The following MAGED1 variants were observed in gnomAD, a reference collection of about 807,000 sequenced individuals.
MAGED1 encodes the protein melanoma-associated antigen D1.
A neutral mutation model predicts 54.1 loss-of-function variants in MAGED1; 3 were observed. The ratio of observed to expected loss-of-function variants is 0.06; its 90% confidence interval spans 0.03 to 0.14. The LOEUF (loss-of-function observed/expected upper bound fraction) is 0.14, where lower values mean the gene tolerates loss of function less well. Ranked by LOEUF, MAGED1 falls within the 10% of genes least tolerant of loss-of-function variation. MAGED1 has a pLI of 1.00. For synonymous variants in MAGED1, 217 were observed against 227.3 expected (o/e 0.95, Z 0.41); for missense variants, 485 against 623.4 (o/e 0.78, Z 2.36).
At chrX:51,881,721 CT>C (rs1195291488) in intron 1 of MAGED1, among the ~76,000 whole-genome samples, 6 of 111,532 alleles carry the variant, frequency 5.4e-5, no homozygotes, top group African/African-American at 1.6e-4. Context: ...CTGGCCTCCT[CT>C]TGCTTTTTCT....
At chrX:51,834,956 ATGTC>A (rs1343164455) in intron 1 of MAGED1, among the ~76,000 whole-genome samples, 1 of 111,848 alleles carries the variant, frequency 8.9e-6, no homozygotes, top group Non-Finnish European at 1.9e-5. Flanking sequence ...CTTTCTTGTA[ATGTC>A]TGTCTGGTTT....
At chrX:51,870,997 C>T (rs368367030) in intron 1 of MAGED1, among the ~76,000 whole-genome samples, 1 of 112,265 alleles carries the variant, frequency 8.9e-6, no homozygotes, top group African/African-American at 3.2e-5. Context: ...AGCACACTCC[C>T]GGAGAGGGTT....
chrX:51,820,483 G>A (rs1925582403), intron 1 of MAGED1, among the ~76,000 whole-genome samples: 1 of 111,551 alleles, frequency 9.0e-6, no homozygotes, highest in Admixed American at 9.5e-5. Flanking sequence ...TACAAGTTGT[G>A]GTCCCACACA....
chrX:51,809,929 T>G (rs960263563), intron 1 of MAGED1, among the ~76,000 whole-genome samples: 2 of 112,304 alleles, frequency 1.8e-5, no homozygotes, highest in Non-Finnish European at 3.8e-5. Context: ...TCCTGAAGTA[T>G]ATTTCATAAT....
chrX:51,851,368 A>G (rs1926884834), intron 1 of MAGED1, among the ~76,000 whole-genome samples: 1 of 111,548 alleles, frequency 9.0e-6, no homozygotes, highest in African/African-American at 3.3e-5. Flanking sequence ...TCCTAGTACC[A>G]GTCTGTTTCC....
intron 1 of MAGED1, among the ~76,000 whole-genome samples, chrX:51,816,232 G>A (rs1256640787): frequency 4.6e-5 from 5 of 109,155 alleles, no homozygotes; most frequent in African/African-American, 1.3e-4. Flanking sequence ...CTCCTGCCTC[G>A]CCCTCCCGAG....
At chrX:51,812,789 A>T (rs1345410361) in intron 1 of MAGED1, among the ~76,000 whole-genome samples, 3 of 110,800 alleles carry the variant, frequency 2.7e-5, no homozygotes, top group Admixed American at 9.7e-5. Context: ...CCTAGGAGTG[A>T]AATTGATAGT....
chrX:51,868,554 A>T (rs1204629525), intron 1 of MAGED1, among the ~76,000 whole-genome samples: 1 of 111,672 alleles, frequency 9.0e-6, no homozygotes, highest in East Asian at 2.8e-4. Flanking sequence ...GACAGAGGCA[A>T]TGTGAGTGAC....
intron 1 of MAGED1, among the ~76,000 whole-genome samples, chrX:51,878,701 T>C (rs1927957893): frequency 8.9e-6 from 1 of 111,746 alleles, no homozygotes; most frequent in Non-Finnish European, 1.9e-5. Flanking sequence ...CCAGCACTTA[T>C]CACAATGTGT....
At chrX:51,812,093 A>C (rs904493622) in intron 1 of MAGED1, among the ~76,000 whole-genome samples, 1 of 110,110 alleles carries the variant, frequency 9.1e-6, no homozygotes, top group Non-Finnish European at 1.9e-5. Context: ...AGGACCTCTA[A>C]CCTACCTTAA....
intron 1 of MAGED1, among the ~76,000 whole-genome samples, chrX:51,837,677 A>G (rs1926302588): frequency 1.8e-5 from 2 of 112,101 alleles, no homozygotes; most frequent in Admixed American, 1.9e-4. Flanking sequence ...ATATTAACGC[A>G]TGAGAGGCCC....
chrX:51,896,648 C>T lies in MAGED1; in HGVS notation c.993C>T (p.Ala331=), dbSNP rs1928764328. 2.5e-6 allele frequency: 3 copies of T among 1,210,900 alleles called. No homozygotes were observed. The African/African-American group carries it at 5.2e-5, about 21-fold the overall frequency. Residue 331 remains alanine, a synonymous_variant, in exon 4 of 13, where the codon GCC becomes GCT. Coordinates refer to ENST00000326587, the MANE Select transcript of MAGED1 (RefSeq NM_006986.4). ...CTCCAGCTAGGCAGACCCCACCAGCCTGGCAGAACCCAGTCGCTTGGCAGA... is the reference window on the plus strand; with the variant it reads ...CTCCAGCTAGGCAGACCCCACCAGCTTGGCAGAACCCAGTCGCTTGGCAGA... ...QSPPARQTPP[A]WQNPVAWQNP... is the part of the protein sequence containing the mutation.
At chrX:51,865,201 A>AT (rs1211601081) in intron 1 of MAGED1, among the ~76,000 whole-genome samples, 1 of 111,355 alleles carries the variant, frequency 9.0e-6, no homozygotes, top group African/African-American at 3.3e-5. Context: ...TAAGATTGTA[A>AT]TTTTTTTTCT....
chrX:51,803,331 C>T (rs782609437), intron 1 of MAGED1, among the ~76,000 whole-genome samples: 5 of 110,501 alleles, frequency 4.5e-5, no homozygotes, highest in Non-Finnish European at 9.5e-5. Context: ...CTCACCTCCT[C>T]ACTCTGGTGG....
intron 1 of MAGED1, among the ~76,000 whole-genome samples, chrX:51,876,259 C>CAA (rs1557362003): frequency 2.8e-5 from 3 of 105,925 alleles, no homozygotes; most frequent in African/African-American, 1.0e-4. Flanking sequence ...TTTTCACATT[C>CAA]AGTTGACTTT....
At chrX:51,840,871 T>C (rs1926442210) in intron 1 of MAGED1, among the ~76,000 whole-genome samples, 1 of 110,641 alleles carries the variant, frequency 9.0e-6, no homozygotes, top group East Asian at 2.8e-4. Context: ...TCTTTGCTAT[T>C]GTGAATAGTG....
upstream of MAGED1, among the ~76,000 whole-genome samples, chrX:51,893,272 G>C (rs912766095): frequency 3.7e-5 from 4 of 109,552 alleles, no homozygotes; most frequent in East Asian, 5.8e-4. Context: ...AAGCCGGCCT[G>C]ACAGGAGGGG....
At chrX:51,841,205 ATG>A (rs1208451945) in intron 1 of MAGED1, among the ~76,000 whole-genome samples, 1 of 110,872 alleles carries the variant, frequency 9.0e-6, no homozygotes, top group Non-Finnish European at 1.9e-5. Context: ...GCATTTCTTC[ATG>A]TGTGTTTTGG....
At chrX:51,896,257 AG>A in intron 3 of MAGED1, 151 bp from the exon 4 acceptor site, 3 of 495,840 alleles carry the variant, frequency 6.1e-6, no homozygotes, top group Non-Finnish European at 9.9e-6. Flanking sequence ...CCTGCCTGGA[AG>A]ACAGTGAAAG....
Sources: gnomAD v4.1 joint callset for allele counts (sites outside exome capture counted in the v4.1 genomes callset) on GRCh38, gnomAD v4.1.1 for gene constraint, MANE v1.5 for transcripts, NCBI Gene and HGNC (gene_info 2026-07-23, HGNC 2026-07-21) for gene names.